The following ITPKB variants were observed in gnomAD, a reference collection of about 807,000 sequenced individuals.
ITPKB encodes IP3 3-kinase B.
A neutral mutation model predicts 69.4 loss-of-function variants in ITPKB; 13 were observed. The observed-to-expected ratio is 0.19, with a 90% CI of 0.12 to 0.30. The LOEUF is 0.30. Among genes scored for constraint, ITPKB ranks in the 10% least tolerant of loss-of-function variants. The pLI is 1.00. For synonymous variants in ITPKB, 584 were observed against 513.7 expected, an observed-to-expected ratio of 1.14 and a Z score of -1.85; for missense variants, 1,240 against 1,250.5, an observed-to-expected ratio of 0.99 and a Z score of 0.13.
At chr1:226,728,919 T>C (rs944795050) in intron 2 of ITPKB, among the ~76,000 whole-genome samples, 1 of 152,228 alleles carries the variant, frequency 6.6e-6, no homozygotes, top group African/African-American at 2.4e-5. Flanking sequence ...CTTGATTCCC[T>C]TTCTTTGTTC....
In ITPKB at chr1:226,736,744, C is replaced by A. The variant is rs749567746; in HGVS notation, c.715G>T (p.Gly239Cys). ...QVKKGMPPLP[G>C]RAAPTGSEAQ... ...TCTGATCCTGTAGGGGCAGCCCGGC[C>A]GGGAAGAGGTGGCATTCCTTTCTTC... Residue 239 changes from glycine to cysteine, a missense_variant, in exon 2 of 8, where the codon GGC (glycine) becomes TGC (cysteine). This residue lies in a region of ITPKB where 992 missense variants were observed against 853.8 expected (regional missense o/e 1.16). Coordinates refer to ENST00000429204, the MANE Select transcript of ITPKB (RefSeq NM_002221.4). 6.2e-7 allele frequency: 1 copy of A among 1,612,646 alleles called. No individual in the cohort carries two copies. The highest frequency in any genetic ancestry group is 1.3e-5 in the African/African-American group (1 of 74,936).
chr1:226,728,697 A>G (rs1446898865), intron 2 of ITPKB, among the ~76,000 whole-genome samples: 6 of 152,166 alleles, frequency 3.9e-5, no homozygotes, highest in Non-Finnish European at 8.8e-5. Context: ...CACCCCTACT[A>G]TGTACCAGGT....
intron 2 of ITPKB, among the ~76,000 whole-genome samples, chr1:226,733,744 A>C (rs969203969): frequency 1.1e-4 from 16 of 152,126 alleles, no homozygotes; most frequent in Non-Finnish European, 1.9e-4. Context: ...GGATATGTTC[A>C]CTAACTTAAA....
intron 2 of ITPKB, among the ~76,000 whole-genome samples, chr1:226,655,647 C>T (rs1217405610): frequency 6.6e-6 from 1 of 152,254 alleles, no homozygotes; most frequent in African/African-American, 2.4e-5. Flanking sequence ...TCAGTGGCCA[C>T]TTGCCCTGCC....
chr1:226,650,135 GCAGCCCTCAGGGGT>G (rs947656403), intron 2 of ITPKB, among the ~76,000 whole-genome samples: 1 of 152,264 alleles, frequency 6.6e-6, no homozygotes, highest in African/African-American at 2.4e-5. Flanking sequence ...GCGCCCAGCT[GCAGCCCTCAGGGGT>G]CAGCGGCGGC....
intron 2 of ITPKB, among the ~76,000 whole-genome samples, chr1:226,651,231 T>C (rs1004567438): frequency 6.6e-6 from 1 of 152,046 alleles, no homozygotes; most frequent in African/African-American, 2.4e-5. Flanking sequence ...GCTATGGGCA[T>C]GGGGGCTGCA....
At chr1:226,652,280 C>T (rs1669210070) in intron 2 of ITPKB, among the ~76,000 whole-genome samples, 2 of 152,146 alleles carry the variant, frequency 1.3e-5, no homozygotes, top group Admixed American at 6.5e-5. Context: ...TTGTGATGGT[C>T]GGGGAGACCA....
intron 2 of ITPKB, among the ~76,000 whole-genome samples, chr1:226,701,006 C>T (rs1355818711): frequency 1.3e-5 from 2 of 152,192 alleles, no homozygotes; most frequent in African/African-American, 4.8e-5. Context: ...GAGAAACCAG[C>T]AAGCAGTCAG....
intron 2 of ITPKB, among the ~76,000 whole-genome samples, chr1:226,659,415 ACTCT>A (rs1669359314): frequency 6.7e-6 from 1 of 150,128 alleles, no homozygotes; most frequent in Non-Finnish European, 1.5e-5. Flanking sequence ...CCCCACACTC[ACTCT>A]CTGGCGTGCC....
intron 2 of ITPKB, among the ~76,000 whole-genome samples, chr1:226,703,711 T>C (rs984894537): frequency 2.0e-5 from 3 of 152,224 alleles, no homozygotes; most frequent in African/African-American, 4.8e-5. Context: ...CACCCCTGGC[T>C]TGCGCTCCCC....
chr1:226,681,024 C>T (rs1656080484), intron 2 of ITPKB, among the ~76,000 whole-genome samples: 1 of 152,212 alleles, frequency 6.6e-6, no homozygotes, highest in African/African-American at 2.4e-5. Context: ...GAGATGCATG[C>T]TCTCTGAAAC....
chr1:226,703,392 G>C, intron 2 of ITPKB, among the ~76,000 whole-genome samples: 1 of 152,234 alleles, frequency 6.6e-6, no homozygotes, highest in East Asian at 1.9e-4. Flanking sequence ...CCCGACGCTG[G>C]CTGGCCGAGG....
intron 2 of ITPKB, chr1:226,707,171 A>C (rs1361653548): frequency 3.2e-6 from 2 of 622,470 alleles, no homozygotes; most frequent in Non-Finnish European, 2.0e-6. Context: ...ATTGCCAAAT[A>C]AAGTACAATC....
intron 2 of ITPKB, among the ~76,000 whole-genome samples, chr1:226,706,876 G>T (rs1656814388): frequency 6.6e-6 from 1 of 152,228 alleles, no homozygotes; most frequent in Non-Finnish European, 1.5e-5. Flanking sequence ...GGGGACTGGG[G>T]TGGCTGGATA....
chr1:226,685,008 C>A (rs3729552), intron 2 of ITPKB, among the ~76,000 whole-genome samples: 35,145 of 152,158 alleles, frequency 0.23, 5,087 homozygotes, highest in South Asian at 0.38. Flanking sequence ...GGAATGGGGT[C>A]AGGAAAAACC....
chr1:226,731,620 C>G (rs1054011141), intron 2 of ITPKB, among the ~76,000 whole-genome samples: 1 of 152,154 alleles, frequency 6.6e-6, no homozygotes, highest in Non-Finnish European at 1.5e-5. Context: ...GAGGAGAAAA[C>G]TAAGCTAGAG....
At chr1:226,712,437 A>G (rs1656985708) in intron 2 of ITPKB, among the ~76,000 whole-genome samples, 1 of 152,240 alleles carries the variant, frequency 6.6e-6, no homozygotes. Flanking sequence ...AAGAAAGCCG[A>G]GGCTGTGTGC....
At position 226,633,142 on chromosome 1, in the gene ITPKB, C is replaced by T. The variant is rs1424593369; in HGVS notation, c.*1529G>A. Reference sequence around the variant, plus strand: ...TGTACTTATACATCCTCATGTGTCCCACCCTCCACCCCCAGCAAGTGTCAC... The same window carrying T: ...TGTACTTATACATCCTCATGTGTCCTACCCTCCACCCCCAGCAAGTGTCAC... On this transcript the variant is annotated 3_prime_UTR_variant, in exon 8 of 8. Transcript: ENST00000429204. 6.6e-6 allele frequency: 1 copy of T among 152,196 alleles called. No homozygotes were observed. Among genetic ancestry groups the T allele is most frequent in the Non-Finnish European group, 1.5e-5 (1 of 68,040 alleles). 9.4% of individuals were successfully genotyped at this position (152,196 alleles called of 1,614,324 possible). A position where few individuals can be genotyped will look rare whatever the true frequency, so the allele number is the denominator to read the frequency against.
intron 2 of ITPKB, among the ~76,000 whole-genome samples, chr1:226,699,066 C>T (rs1416516627): frequency 1.3e-5 from 2 of 152,220 alleles, no homozygotes; most frequent in Non-Finnish European, 2.9e-5. Context: ...CTCCCCTCAC[C>T]CCCACTACCT....
Sources: allele counts gnomAD v4.1 joint callset (sites outside exome capture counted in the v4.1 genomes callset), GRCh38; gene constraint gnomAD v4.1.1; regional missense constraint gnomAD v4.1.1; transcripts MANE v1.5; gene names NCBI Gene and HGNC (gene_info 2026-07-23, HGNC 2026-07-21).